Variants in TEX35 observed in about 807,000 individuals in gnomAD.
TEX35 encodes testis expressed 35, also known as testis-expressed protein 35.
Under a neutral mutation model 31.9 loss-of-function variants are expected in TEX35, and 26 were observed. The observed-to-expected ratio is 0.81, with a 90% confidence interval of 0.60 to 1.13. The LOEUF is 1.13. Ranked by LOEUF, TEX35 falls within the 50% of genes most tolerant of loss-of-function variation. The pLI is 0.00. For missense variants in TEX35, 278 were observed against 273.5 expected, an observed-to-expected ratio of 1.02 and a Z score of -0.12; for synonymous variants, 87 against 90.7, an observed-to-expected ratio of 0.96 and a Z score of 0.23.
chr1:178,516,320 A>G (rs909441205), intron 4 of TEX35, among the ~76,000 whole-genome samples: 3 of 152,254 alleles, frequency 2.0e-5, no homozygotes, highest in African/African-American at 7.2e-5. Context: ...TCCTTAGGAA[A>G]AAAGCGAATA....
At chr1:178,521,180 A>G (rs1211977392) in intron 7 of TEX35, 42 bp from the exon 8 acceptor site, 3 of 1,614,066 alleles carry the variant, frequency 1.9e-6, no homozygotes, top group Non-Finnish European at 2.5e-6. Context: ...TTCTTGGACC[A>G]GGGGAAATTG....
At position 178,514,305 on chromosome 1, in the gene TEX35, AG is replaced by A. The variant is rs1261424159; in HGVS notation, c.90+231del. 6 of 1,425,854 alleles carry A rather than the reference AG, an allele frequency of 4.2e-6. No individual in the cohort carries two copies. The East Asian group carries it at 1.5e-4, about 36-fold the overall frequency. 88.3% of individuals were successfully genotyped at this position (1,425,854 alleles called of 1,614,324 possible). On this transcript the variant is annotated intron_variant, in intron 2 of 8. Coordinates refer to ENST00000319416, the MANE Select transcript of TEX35 (RefSeq NM_032126.5). ...TACCTGCTCTGCTGGGAATCAAGACAGGGAGACATGTCTGAGTGGCTGCCGT... is the reference window on the plus strand; with the variant it reads ...TACCTGCTCTGCTGGGAATCAAGACAGGAGACATGTCTGAGTGGCTGCCGT...
intron 5 of TEX35, 25 bp downstream of exon 5, chr1:178,516,699 A>G (rs748692415): frequency 3.3e-5 from 51 of 1,556,632 alleles, no homozygotes; most frequent in Non-Finnish European, 4.1e-5. Flanking sequence ...AGTGCCTTCC[A>G]TGGGCCAGTA....
rs184090793 is a variant in TEX35, at chr1:178,521,280, C to A, written c.586+16C>A. ...TACAATCGGGGTAGGTAGATTCATA[C>A]AAGATGTGCCTTTTCTCGATCAGGT... On this transcript the variant is annotated intron_variant, in intron 8 of 8. Coordinates refer to ENST00000319416, the MANE Select transcript of TEX35 (RefSeq NM_032126.5). 5.9e-5 allele frequency: 96 copies of A among 1,614,120 alleles called. No individual in the cohort carries two copies. The East Asian group carries it at 1.7e-3, about 29-fold the overall frequency.
At chr1:178,514,848 T>G (rs980163309) in intron 3 of TEX35, 80 bp downstream of exon 3, 2 of 1,214,666 alleles carry the variant, frequency 1.6e-6, no homozygotes, top group African/African-American at 3.0e-5. Flanking sequence ...AGTGCCTGTT[T>G]CCTAAATACA....
Position 178,516,684 on chromosome 1 carries a change from A to G in TEX35, c.276+10A>G, listed in dbSNP as rs1203426035. 4 of 1,580,704 alleles carry G rather than the reference A, an allele frequency of 2.5e-6. No homozygotes were observed. Among genetic ancestry groups the G allele is most frequent in the East Asian group, 2.2e-5 (1 of 44,718 alleles). ...TGTGGAAATTATGAAGGTAAGCATT[A>G]CTTGAGTGCCTTCCATGGGCCAGTA... is the stretch of plus-strand genomic sequence containing the variant. On this transcript the variant is annotated intron_variant, in intron 5 of 8. Coordinates refer to ENST00000319416, the MANE Select transcript of TEX35 (RefSeq NM_032126.5).
At chr1:178,513,894 G>C in intron 1 of TEX35, 133 bp from the exon 2 acceptor site, 1 of 1,024,460 alleles carries the variant, frequency 9.8e-7, no homozygotes, top group Non-Finnish European at 1.4e-6. Flanking sequence ...GTGAGCCTGA[G>C]CTCAAGCCAG....
chr1:178,520,858 ACTGTGGGACCTG>A lies in TEX35; in HGVS notation c.531_542del (p.Gly178_Cys181del), dbSNP rs1558039283. 2 of 1,614,124 alleles carry A rather than the reference ACTGTGGGACCTG, an allele frequency of 1.2e-6. No homozygotes were observed. Among genetic ancestry groups the A allele is most frequent in the Admixed American group, 3.3e-5 (2 of 60,020 alleles). ...CAGGGCTCACTGGATCCCCTTCATC[ACTGTGGGACCTG>A]CTGCGTAAGTGAAACCCTGCCCGAG... On this transcript the variant is annotated inframe_deletion, in exon 7 of 9. Transcript: ENST00000319416.
At chr1:178,522,155 G>A (rs1265011455) in intron 8 of TEX35, 170 bp from the exon 9 acceptor site, 3 of 936,108 alleles carry the variant, frequency 3.2e-6, no homozygotes, top group Non-Finnish European at 4.6e-6. Flanking sequence ...GGGTGATGCA[G>A]GGAACCCCTC....
chr1:178,515,562 CATTA>C (rs778839622), intron 3 of TEX35, among the ~76,000 whole-genome samples: 1 of 151,838 alleles, frequency 6.6e-6, no homozygotes, highest in South Asian at 2.1e-4. Context: ...CTTTTTAAAA[CATTA>C]ATTAATTAAT....
chr1:178,522,617 G>A lies in TEX35; in HGVS notation c.*177G>A, dbSNP rs1558040263. ...GTTTCATCTCTTTGCTAAGCTGGCT[G>A]CTTCTACCATCTAATAAATAATTGG... On this transcript the variant is annotated 3_prime_UTR_variant, in exon 9 of 9. Coordinates refer to ENST00000319416, the MANE Select transcript of TEX35 (RefSeq NM_032126.5). 5 of 1,289,240 alleles carry A rather than the reference G, an allele frequency of 3.9e-6. No individual in the cohort carries two copies. The highest frequency in any genetic ancestry group is 4.9e-6 in the Non-Finnish European group (5 of 1,018,034). 79.9% of individuals were successfully genotyped at this position (1,289,240 alleles called of 1,614,324 possible).
intron 1 of TEX35, 155 bp downstream of exon 1, chr1:178,513,382 G>A: frequency 2.0e-6 from 2 of 1,009,280 alleles, no homozygotes; most frequent in Non-Finnish European, 3.0e-6. Flanking sequence ...TCTGGAAGGG[G>A]TGTGGGATTA....
chr1:178,517,697 G>T (rs1371653261), intron 5 of TEX35, among the ~76,000 whole-genome samples: 1 of 152,170 alleles, frequency 6.6e-6, no homozygotes, highest in Admixed American at 6.5e-5. Flanking sequence ...GTGATTTTTT[G>T]ATGTCAGTCA....
rs138090876 is a variant in TEX35, at chr1:178,520,713, C to G, written c.382C>G (p.Leu128Val). 192 of 1,613,964 alleles carry G rather than the reference C, an allele frequency of 1.2e-4. No individual in the cohort carries two copies. The highest frequency in any genetic ancestry group is 1.5e-4 in the Non-Finnish European group (178 of 1,180,014). The change falls in exon 7 of 9, where the codon CTG becomes GTG. Residue 128 changes from leucine (L) to valine (V), a missense_variant. Physicochemically the swap from Leu to Val is conservative, Grantham distance 32. Coordinates refer to ENST00000319416, the MANE Select transcript of TEX35 (RefSeq NM_032126.5). ...ACCAAAGGAGCAGCAGGAACTCAGG[C>G]TGATGGGAAAGACTCACAGAGAACC... ...RAPKEQQELR[L>V]MGKTHREPQL...
At position 178,521,210 on chromosome 1, in the gene TEX35, T is replaced by G; in HGVS notation, c.544-12T>G. 1 of 1,614,256 alleles carries G rather than the reference T, an allele frequency of 6.2e-7. No individual in the cohort carries two copies. The highest frequency in any genetic ancestry group is 2.2e-5 in the East Asian group (1 of 44,888). On this transcript the variant is annotated splice_polypyrimidine_tract_variant and intron_variant, in intron 7 of 8. Transcript: ENST00000319416. ...AAATTGATCTTTCTTGTGCCGTTTC[T>G]GTCCTCTGCAGGAGAAATGTTTGTT...
At chr1:178,517,883 G>A (rs1253923421) in intron 5 of TEX35, among the ~76,000 whole-genome samples, 1 of 151,918 alleles carries the variant, frequency 6.6e-6, no homozygotes, top group Non-Finnish European at 1.5e-5. Flanking sequence ...TAAATACAAT[G>A]GAAGAAATTA....
intron 7 of TEX35, 90 bp from the exon 8 acceptor site, chr1:178,521,132 C>G: frequency 6.2e-7 from 1 of 1,605,494 alleles, no homozygotes; most frequent in South Asian, 1.1e-5. Context: ...CTGTCCTTCC[C>G]TTTAGCAAGG....
At chr1:178,520,154 T>C (rs1020626541) in intron 5 of TEX35, among the ~76,000 whole-genome samples, 3 of 151,940 alleles carry the variant, frequency 2.0e-5, no homozygotes, top group African/African-American at 7.3e-5. Context: ...TTCAGAAAAG[T>C]CCCCTAATGT....
intron 3 of TEX35, among the ~76,000 whole-genome samples, chr1:178,515,636 G>A (rs1650048520): frequency 6.6e-6 from 1 of 151,422 alleles, no homozygotes; most frequent in African/African-American, 2.4e-5. Flanking sequence ...CAAACTCCTT[G>A]TTTCAAGTGA....
Sources: allele counts gnomAD v4.1 joint callset (sites outside exome capture counted in the v4.1 genomes callset), GRCh38; gene constraint gnomAD v4.1.1; transcripts MANE v1.5; gene names NCBI Gene and HGNC (gene_info 2026-07-23, HGNC 2026-07-21).